Variants in NFX1 observed in about 807,000 individuals in gnomAD.
NFX1 encodes the protein transcriptional repressor NF-X1.
NFX1 carries 69 observed loss-of-function variants against 137.2 expected under a neutral mutation model. That is an observed-to-expected ratio of 0.50 (90% confidence interval 0.41 to 0.61). The LOEUF (loss-of-function observed/expected upper bound fraction) is 0.61, where lower values mean the gene tolerates loss of function less well. Among genes scored for constraint, NFX1 ranks in the 20% least tolerant of loss-of-function variants. The pLI is 0.00. For missense variants in NFX1, 1,167 were observed against 1,391.0 expected (o/e 0.84, Z 2.56); for synonymous variants, 495 against 474.1 (o/e 1.04, Z -0.57).
Position 33,295,126 on chromosome 9 carries a change from A to G in NFX1, c.732A>G (p.Lys244=). The part of the protein sequence containing the change: ...RRNEQRRYPQ[K]RPPWEVEGAR... ...ATGAGCAGAGAAGATACCCACAGAAAAGGCCTCCCTGGGAAGTGGAGGGGG... is the reference window on the plus strand; with the variant it reads ...ATGAGCAGAGAAGATACCCACAGAAGAGGCCTCCCTGGGAAGTGGAGGGGG... Residue 244 remains lysine (K), a synonymous_variant, in exon 2 of 24, where the codon AAA becomes AAG. Coordinates refer to ENST00000379540, the MANE Select transcript of NFX1 (RefSeq NM_002504.6). 6.2e-7 allele frequency: 1 copy of G among 1,614,114 alleles called. No homozygotes were observed. Among genetic ancestry groups the G allele is most frequent in the East Asian group, 2.2e-5 (1 of 44,876 alleles).
chr9:33,317,842 G>A lies in NFX1; in HGVS notation c.1589-889G>A, dbSNP rs551768146. 2.6e-5 allele frequency among the ~76,000 whole-genome samples: 4 copies of A among 151,846 alleles called. 1 individual carries two copies. The highest frequency in any genetic ancestry group is 9.7e-5 in the African/African-American group (4 of 41,400). ...AATACAGAAATTAGCTGGGCGTGGTGGCGGGCCCCTATAATCCCAGCTACT... is the reference window on the plus strand; with the variant it reads ...AATACAGAAATTAGCTGGGCGTGGTAGCGGGCCCCTATAATCCCAGCTACT... On this transcript the variant is annotated intron_variant, in intron 7 of 23. Coordinates refer to ENST00000379540, the MANE Select transcript of NFX1 (RefSeq NM_002504.6).
chr9:33,341,882 A>G (rs1317543061), intron 12 of NFX1, among the ~76,000 whole-genome samples: 1 of 151,486 alleles, frequency 6.6e-6, no homozygotes, highest in African/African-American at 2.4e-5. Context: ...TTTGGGAGGC[A>G]AAGGCAGGCA....
At chr9:33,326,785 C>T (rs1450257125) in intron 9 of NFX1, among the ~76,000 whole-genome samples, 1 of 152,032 alleles carries the variant, frequency 6.6e-6, no homozygotes, top group Non-Finnish European at 1.5e-5. Context: ...ATAGATATAA[C>T]ATTATATAAA....
intron 9 of NFX1, among the ~76,000 whole-genome samples, chr9:33,320,385 CT>C (rs1354127993): frequency 2.0e-5 from 3 of 152,346 alleles, no homozygotes; most frequent in Admixed American, 2.0e-4. Context: ...CTGTATTACA[CT>C]GAATGCAGTG....
In NFX1 at chr9:33,367,799, C is replaced by T. The variant is rs530715862; in HGVS notation, c.3290+180C>T. ...ACACGTTTGTTCCCACCAGAGGGGT[C>T]CTAAGTTTGTTGTTTGTAGTGCTTG... On this transcript the variant is annotated intron_variant, in intron 23 of 23. Coordinates refer to ENST00000379540, the MANE Select transcript of NFX1 (RefSeq NM_002504.6). Among the ~76,000 whole-genome samples, 14 of 152,272 alleles carry T rather than the reference C, an allele frequency of 9.2e-5. 1 individual carries two copies. In the East Asian group the frequency reaches 2.5e-3, roughly 27 times the overall value.
chr9:33,338,463 C>A, intron 11 of NFX1, 47 bp from the exon 12 acceptor site: 1 of 1,500,494 alleles, frequency 6.7e-7, no homozygotes, highest in South Asian at 1.2e-5. Flanking sequence ...TATGAATGTT[C>A]ATATCCTTTG....
chr9:33,343,949 A>G, intron 13 of NFX1, 120 bp from the exon 14 acceptor site: 1 of 1,286,142 alleles, frequency 7.8e-7, no homozygotes, highest in Non-Finnish European at 1.1e-6. Context: ...AAAAAGTAGC[A>G]CCCCCATAAA....
chr9:33,290,529 T>A lies in NFX1; in HGVS notation c.-44T>A, dbSNP rs1444025480. On this transcript the variant is annotated 5_prime_UTR_variant, in exon 1 of 24. Coordinates refer to ENST00000379540, the MANE Select transcript of NFX1 (RefSeq NM_002504.6). ...TCCGGGGCACGTGACCTGGTGACAG[T>A]GCTGACTTGGCTGTACAGCTCGATC... 6.2e-7 allele frequency: 1 copy of A among 1,612,436 alleles called. No homozygotes were observed. Among genetic ancestry groups the A allele is most frequent in the African/African-American group, 1.3e-5 (1 of 74,894 alleles).
At chr9:33,360,066 G>T (rs1484676592) in intron 19 of NFX1, among the ~76,000 whole-genome samples, 1 of 152,154 alleles carries the variant, frequency 6.6e-6, no homozygotes, top group African/African-American at 2.4e-5. Context: ...CAAAACCCTT[G>T]CCCTTTAGGA....
chr9:33,295,161 G>C lies in NFX1; in HGVS notation c.767G>C (p.Arg256Pro). 1 of 1,614,054 alleles carries C rather than the reference G, an allele frequency of 6.2e-7. No homozygotes were observed. The highest frequency in any genetic ancestry group is 8.5e-7 in the Non-Finnish European group (1 of 1,179,996). Reference sequence around the variant, plus strand: ...TGGGAAGTGGAGGGGGCCAGGCCACGACCAGGCAGAAATCCACCAAAACAG... The same window carrying C: ...TGGGAAGTGGAGGGGGCCAGGCCACCACCAGGCAGAAATCCACCAAAACAG... ...PPWEVEGARP[R>P]PGRNPPKQEG... The change falls in exon 2 of 24, where the codon CGA becomes CCA. Residue 256 changes from arginine (R) to proline (P), a missense_variant. This residue lies in a region of NFX1 where 367 missense variants were observed against 386.7 expected (regional missense o/e 0.95). Transcript: ENST00000379540.
rs1415817670 is a variant in NFX1 at position 33,295,398 on chromosome 9, A to G, written c.1004A>G (p.His335Arg). The G allele has an allele frequency of 1.9e-6, 3 of 1,613,768 alleles. No homozygotes were observed. The highest frequency in any genetic ancestry group is 1.3e-5 in the African/African-American group (1 of 74,934). Residue 335 changes from histidine to arginine, a missense_variant, in exon 2 of 24, where the codon CAT (histidine) becomes CGT (arginine). Physicochemically the swap from His to Arg is conservative, Grantham distance 29. Transcript: ENST00000379540. ...VSPFSRGKQN[H>R]VLKNVETHTG... ...CCTTTCTCCCGAGGCAAACAGAACC[A>G]TGTGCTAAAGAATGTGGAAACGCAC...
chr9:33,364,878 G>C, intron 21 of NFX1, 104 bp downstream of exon 21: 1 of 1,528,378 alleles, frequency 6.5e-7, no homozygotes. Flanking sequence ...GTAGTTGTAG[G>C]AAAAAGTCAC....
intron 10 of NFX1, among the ~76,000 whole-genome samples, chr9:33,329,146 G>A (rs1268695743): frequency 6.6e-6 from 1 of 152,192 alleles, no homozygotes; most frequent in Admixed American, 6.5e-5. Context: ...GAAGTATGTA[G>A]GACAGAGTCC....
chr9:33,337,746 C>T (rs1823059633), intron 11 of NFX1, among the ~76,000 whole-genome samples: 1 of 148,888 alleles, frequency 6.7e-6, no homozygotes, highest in Admixed American at 6.7e-5. Context: ...CAAAACAAAA[C>T]AAAACAAAAC....
chr9:33,316,301 C>G (rs1007720177), intron 7 of NFX1, among the ~76,000 whole-genome samples: 3 of 150,778 alleles, frequency 2.0e-5, no homozygotes, highest in African/African-American at 7.3e-5. Flanking sequence ...TATCCTGGTA[C>G]TTACCAAGCC....
At position 33,338,598 on chromosome 9, in the gene NFX1, A is replaced by G. The variant is rs749091213; in HGVS notation, c.2115+9A>G. 1 of 1,582,422 alleles carries G rather than the reference A, an allele frequency of 6.3e-7. No homozygotes were observed. Among genetic ancestry groups the G allele is most frequent in the Non-Finnish European group, 8.6e-7 (1 of 1,168,698 alleles). ...ATGAGATATGCTGTGTGGTAAGTGG[A>G]CTTATTAGGCATAATCAGATTCCAT... is the stretch of plus-strand genomic sequence containing the variant. On this transcript the variant is annotated intron_variant, in intron 12 of 23. Coordinates refer to ENST00000379540, the MANE Select transcript of NFX1 (RefSeq NM_002504.6).
chr9:33,290,636 G>A (rs1258114786), intron 1 of NFX1, 39 bp downstream of exon 1: 2 of 1,591,392 alleles, frequency 1.3e-6, no homozygotes, highest in South Asian at 1.1e-5. Context: ...CCCCTTTCAG[G>A]GAGCGGAAAT....
At chr9:33,319,699 G>A (rs755846664) in intron 9 of NFX1, among the ~76,000 whole-genome samples, 3 of 152,068 alleles carry the variant, frequency 2.0e-5, no homozygotes, top group African/African-American at 4.8e-5. Flanking sequence ...TAATAGAGAC[G>A]GGGTTTCACC....
At position 33,326,413 on chromosome 9, in the gene NFX1, T is replaced by TAA. The variant is rs368993458; in HGVS notation, c.1907-2145_1907-2144dup. 7.1e-4 allele frequency among the ~76,000 whole-genome samples: 63 copies of TAA among 88,792 alleles called. 1 individual carries two copies. Among genetic ancestry groups the TAA allele is most frequent in the African/African-American group, 1.9e-3 (43 of 22,162 alleles). The allele number at this position is 88,792 out of a possible 152,430, so 58.3% of individuals were successfully genotyped here. On this transcript the variant is annotated intron_variant, in intron 9 of 23. Transcript: ENST00000379540. ...GGGCAACAGAGCAAGCCTCTGTCTT[T>TAA]AAAAAAAAAAAAAAAAAAAAAAAAG...
Sources: gnomAD v4.1 joint callset for allele counts (sites outside exome capture counted in the v4.1 genomes callset) on GRCh38, gnomAD v4.1.1 for gene constraint, gnomAD v4.1.1 regional missense constraint, MANE v1.5 for transcripts, NCBI Gene and HGNC (gene_info 2026-07-23, HGNC 2026-07-21) for gene names.